The following MROH2B variants were observed in gnomAD, a reference collection of about 807,000 sequenced individuals.
The protein encoded by MROH2B is maestro heat-like repeat-containing protein family member 2B.
In MROH2B, 177 loss-of-function variants were observed where a neutral mutation model predicts 208.6. The observed-to-expected ratio is 0.85, with a 90% CI of 0.75 to 0.96. The LOEUF (loss-of-function observed/expected upper bound fraction) is 0.96. Among genes scored for constraint, MROH2B ranks in the 40% least tolerant of loss-of-function variants. The pLI is 0.00. For synonymous variants in MROH2B, 728 were observed against 659.0 expected (o/e 1.10, Z -1.60); for missense variants, 2,002 against 1,878.7 (o/e 1.07, Z -1.21).
rs1742676187 is a variant in MROH2B at position 41,034,134 on chromosome 5, G to A, written c.2215-270C>T. On this transcript the variant is annotated intron_variant, in intron 21 of 41. Transcript: ENST00000399564. ...AGAGACTTCGAGTCTTGTGTTTTCA[G>A]CCTTCACAATCATTTTAAAGAGGCT... is the stretch of plus-strand genomic sequence containing the variant. The A allele has an allele frequency of 4.4e-6, 4 of 905,408 alleles. No individual in the cohort carries two copies. The South Asian group carries it at 2.0e-4, about 46-fold the overall frequency. 56.1% of individuals were successfully genotyped at this position (905,408 alleles called of 1,614,324 possible). A position where few individuals can be genotyped will look rare whatever the true frequency, so the allele number is the denominator to read the frequency against.
chr5:41,031,770 T>C (rs1742579526), intron 24 of MROH2B, among the ~76,000 whole-genome samples: 1 of 152,074 alleles, frequency 6.6e-6, no homozygotes, highest in African/African-American at 2.4e-5. Context: ...CCAGTGTCTA[T>C]TGTTTCCTTA....
intron 29 of MROH2B, among the ~76,000 whole-genome samples, 187 bp from the exon 30 acceptor site, chr5:41,012,922 C>A (rs1476421781): frequency 6.6e-6 from 1 of 152,206 alleles, no homozygotes; most frequent in African/African-American, 2.4e-5. Flanking sequence ...TATTACTAAG[C>A]AAACTTTCCG....
At chr5:41,057,202 G>T in intron 8 of MROH2B, 24 bp from the exon 9 acceptor site, 1 of 1,613,212 alleles carries the variant, frequency 6.2e-7, no homozygotes, top group Non-Finnish European at 8.5e-7. Flanking sequence ...GAAATCAGGT[G>T]GTAGATGTTA....
intron 35 of MROH2B, 63 bp downstream of exon 35, chr5:41,005,468 G>A (rs1741555729): frequency 7.6e-6 from 8 of 1,050,066 alleles, no homozygotes; most frequent in South Asian, 2.8e-5. Context: ...CTGGGCTCCA[G>A]ACCATAAGAG....
chr5:41,000,359 A>G lies in MROH2B; in HGVS notation c.4351-8T>C. 2 of 1,613,082 alleles carry G rather than the reference A, an allele frequency of 1.2e-6. No homozygotes were observed. Among genetic ancestry groups the G allele is most frequent in the Non-Finnish European group, 1.7e-6 (2 of 1,179,562 alleles). ...CAAGACATCACGGCAAGCCTGGAAA[A>G]CAGAGTTTTCTGCATCACAGTCCAG... On this transcript the variant is annotated splice_polypyrimidine_tract_variant and splice_region_variant and intron_variant, in intron 38 of 41. Coordinates refer to ENST00000399564, the MANE Select transcript of MROH2B (RefSeq NM_173489.5).
At position 41,018,705 on chromosome 5, in the gene MROH2B, G is replaced by T; in HGVS notation, c.2659C>A (p.Gln887Lys). Reference sequence around the variant, plus strand: ...GCTCTACTCACATTAAACATTTCTTGACAGTCCTCTGCATTCACATTATCC... The same window carrying T: ...GCTCTACTCACATTAAACATTTCTTTACAGTCCTCTGCATTCACATTATCC... Reference protein sequence around the residue: ...MWDNVNAEDCQEMFNLLQMWL... With the variant: ...MWDNVNAEDCKEMFNLLQMWL... Residue 887 changes from glutamine to lysine, a missense_variant, in exon 26 of 42, where the codon CAA becomes AAA. Coordinates refer to ENST00000399564, the MANE Select transcript of MROH2B (RefSeq NM_173489.5). The T allele has an allele frequency of 6.2e-7, 1 of 1,613,896 alleles. No individual in the cohort carries two copies. Among genetic ancestry groups the T allele is most frequent in the South Asian group, 1.1e-5 (1 of 91,080 alleles).
At chr5:41,040,523 G>C (rs1353730759) in intron 19 of MROH2B, among the ~76,000 whole-genome samples, 1 of 152,134 alleles carries the variant, frequency 6.6e-6, no homozygotes, top group Non-Finnish European at 1.5e-5. Context: ...AACCAAGTAG[G>C]CTCAGTGGGT....
At chr5:41,020,638 G>C (rs1474053355) in intron 24 of MROH2B, among the ~76,000 whole-genome samples, 1 of 146,224 alleles carries the variant, frequency 6.8e-6, no homozygotes, top group Admixed American at 6.9e-5. Flanking sequence ...ATACTTAAAA[G>C]TTCAGAAATT....
intron 24 of MROH2B, among the ~76,000 whole-genome samples, chr5:41,020,673 A>C (rs1294068024): frequency 6.6e-6 from 1 of 152,234 alleles, no homozygotes; most frequent in Non-Finnish European, 1.5e-5. Context: ...GGTGTTTATC[A>C]AAGTATTATT....
intron 24 of MROH2B, among the ~76,000 whole-genome samples, chr5:41,030,895 T>C (rs1034099586): frequency 7.9e-5 from 12 of 152,128 alleles, no homozygotes; most frequent in African/African-American, 2.9e-4. Flanking sequence ...TTATGTTTTA[T>C]TTATTTTGCC....
chr5:41,030,722 A>G (rs1488911866), intron 24 of MROH2B, among the ~76,000 whole-genome samples: 1 of 152,042 alleles, frequency 6.6e-6, no homozygotes, highest in African/African-American at 2.4e-5. Flanking sequence ...GATTTATATA[A>G]AACTATAGTT....
chr5:41,021,656 G>A (rs917222714), intron 24 of MROH2B, among the ~76,000 whole-genome samples: 7 of 152,182 alleles, frequency 4.6e-5, no homozygotes, highest in African/African-American at 1.7e-4. Context: ...GGTGGGCTGA[G>A]AGCTTGAGCC....
At position 41,070,870 on chromosome 5, in the gene MROH2B, G is replaced by T. The variant is rs1743968180; in HGVS notation, c.-18C>A. The T allele has an allele frequency of 7.5e-6, 12 of 1,609,300 alleles. No individual in the cohort carries two copies. The highest frequency in any genetic ancestry group is 1.0e-5 in the Non-Finnish European group (12 of 1,177,756). On this transcript the variant is annotated 5_prime_UTR_variant, in exon 1 of 42. Coordinates refer to ENST00000399564, the MANE Select transcript of MROH2B (RefSeq NM_173489.5). ...AGTGTCATGTCTTGGCTGTTTCAGG[G>T]TCTCTAAAAGATAGCACCTAAGTAT...
In MROH2B at chr5:41,055,806, TCTTA is replaced by T. The variant is rs767142283; in HGVS notation, c.965_968del (p.Val322GlufsTer12). 16 of 1,613,882 alleles carry T rather than the reference TCTTA, an allele frequency of 9.9e-6. No individual in the cohort carries two copies. The East Asian group carries it at 2.9e-4, about 29-fold the overall frequency. On this transcript the variant is annotated frameshift_variant, in exon 10 of 42. Coordinates refer to ENST00000399564, the MANE Select transcript of MROH2B (RefSeq NM_173489.5). LOFTEE classifies it high-confidence loss of function. Reference sequence around the variant, plus strand: ...CCACTCGAATGGCTTCATTATTACTTCTTACTTGTTCATCAAAAAATTCCATCAG... The same window carrying T: ...CCACTCGAATGGCTTCATTATTACTTCTTGTTCATCAAAAAATTCCATCAG...
intron 17 of MROH2B, 120 bp downstream of exon 17, chr5:41,047,601 C>G: frequency 7.7e-6 from 7 of 908,458 alleles, no homozygotes; most frequent in Non-Finnish European, 1.2e-5. Context: ...TAATTCTTTT[C>G]CAAAGAAAGG....
intron 11 of MROH2B, 23 bp downstream of exon 11, chr5:41,054,744 A>G (rs747860280): frequency 6.5e-7 from 1 of 1,549,728 alleles, no homozygotes; most frequent in South Asian, 1.2e-5. Flanking sequence ...ACCATCGACA[A>G]GAGTTTCTAT....
At chr5:41,036,400 T>C (rs1742761075) in intron 21 of MROH2B, among the ~76,000 whole-genome samples, 1 of 152,154 alleles carries the variant, frequency 6.6e-6, no homozygotes, top group Admixed American at 6.6e-5. Context: ...TCTGCTGTGA[T>C]TGTGAGGCAT....
At chr5:41,019,838 T>A (rs563338861) in intron 24 of MROH2B, among the ~76,000 whole-genome samples, 1 of 152,292 alleles carries the variant, frequency 6.6e-6, no homozygotes, top group South Asian at 2.1e-4. Context: ...AATTAATGTA[T>A]CAAAGTATAA....
At chr5:41,018,552 T>C in intron 26 of MROH2B, 122 bp from the exon 27 acceptor site, 1 of 1,416,208 alleles carries the variant, frequency 7.1e-7, no homozygotes, top group Non-Finnish European at 9.7e-7. Flanking sequence ...AAACAATTTT[T>C]AAGTAGATGG....
Sources: allele counts gnomAD v4.1 joint callset (sites outside exome capture counted in the v4.1 genomes callset), GRCh38; gene constraint gnomAD v4.1.1; transcripts MANE v1.5; gene names NCBI Gene and HGNC (gene_info 2026-07-23, HGNC 2026-07-21).